The following ADRA1B variants were observed in gnomAD, a reference collection of about 807,000 sequenced individuals.
ADRA1B encodes adrenoceptor alpha 1B, also known as alpha-1B adrenergic receptor.
A neutral mutation model predicts 17.9 loss-of-function variants in ADRA1B; 17 were observed. The observed-to-expected ratio is 0.95, with a 90% CI of 0.65 to 1.42. The LOEUF is 1.42. Among genes scored for constraint, ADRA1B ranks in the 40% most tolerant of loss-of-function variants. The pLI is 0.00. For missense variants in ADRA1B, 681 were observed against 722.1 expected (o/e 0.94, Z 0.65); for synonymous variants, 366 against 327.6 (o/e 1.12, Z -1.27).
At chr5:159,904,766 T>C (rs1208202209) in intron 1 of ADRA1B, among the ~76,000 whole-genome samples, 2 of 152,248 alleles carry the variant, frequency 1.3e-5, no homozygotes, top group Non-Finnish European at 1.5e-5. Flanking sequence ...CATTATTGAA[T>C]GTGAGTCCAT....
the ADRA1B span, among the ~76,000 whole-genome samples, chr5:159,980,320 G>A: frequency 1.3e-5 from 2 of 152,156 alleles, no homozygotes; most frequent in Non-Finnish European, 2.9e-5. Flanking sequence ...GAAAGAGGAG[G>A]AAAATGACAC....
chr5:159,940,049 G>GT (rs1189402764), intron 1 of ADRA1B, among the ~76,000 whole-genome samples: 1 of 152,202 alleles, frequency 6.6e-6, no homozygotes, highest in Non-Finnish European at 1.5e-5. Context: ...GGACAACTCA[G>GT]TAAGTGAATG....
chr5:159,970,023 T>C (rs1277193537), intron 1 of ADRA1B, among the ~76,000 whole-genome samples: 1 of 152,218 alleles, frequency 6.6e-6, no homozygotes, highest in Non-Finnish European at 1.5e-5. Flanking sequence ...GGCAAGTCAT[T>C]TAACCTCTCC....
At chr5:159,869,614 A>T (rs1178920913) in intron 1 of ADRA1B, 1 of 152,264 alleles carries the variant, frequency 6.6e-6, no homozygotes, top group East Asian at 1.9e-4. Context: ...GAAGATACAC[A>T]GTAATATTGA....
chr5:159,924,106 T>C (rs1454918385), intron 1 of ADRA1B, among the ~76,000 whole-genome samples: 2 of 152,274 alleles, frequency 1.3e-5, no homozygotes, highest in African/African-American at 4.8e-5. Context: ...CACCCAGAGA[T>C]TTTACTGGCT....
At chr5:159,945,050 T>A (rs1291880134) in intron 1 of ADRA1B, among the ~76,000 whole-genome samples, 2 of 152,098 alleles carry the variant, frequency 1.3e-5, no homozygotes, top group Admixed American at 1.3e-4. Context: ...AAGCTCAACC[T>A]GAGGAAGCTG....
the ADRA1B span, among the ~76,000 whole-genome samples, chr5:159,987,080 C>A: frequency 1.3e-5 from 2 of 152,198 alleles, no homozygotes. Flanking sequence ...CACACCCTGC[C>A]CCCAGCGGCG....
Position 159,917,141 on chromosome 5 carries a change from C to T in ADRA1B, c.236C>T (p.Pro79Leu), listed in dbSNP as rs1170031380. 11 of 1,614,132 alleles carry T rather than the reference C, an allele frequency of 6.8e-6. No homozygotes were observed. Among genetic ancestry groups the T allele is most frequent in the Non-Finnish European group, 9.3e-6 (11 of 1,180,016 alleles). ...GCCTGCAACCGGCACCTGCGGACGC[C>T]CACCAACTACTTCATTGTCAACCTG... ...SVACNRHLRT[P>L]TNYFIVNLAM... is the part of the protein sequence containing the mutation. Residue 79 changes from proline (P) to leucine (L), a missense_variant, in exon 1 of 2, where the codon CCC becomes CTC. Transcript: ENST00000306675.
chr5:159,917,389 G>A lies in ADRA1B; in HGVS notation c.484G>A (p.Ala162Thr), dbSNP rs769304163. The A allele has an allele frequency of 1.2e-6, 2 of 1,614,120 alleles. No individual in the cohort carries two copies. The highest frequency in any genetic ancestry group is 8.5e-7 in the Non-Finnish European group (1 of 1,180,028). Residue 162 changes from alanine (A) to threonine (T), a missense_variant, in exon 1 of 2, where the codon GCC becomes ACC. Ala to Thr is a moderately conservative substitution (Grantham distance 58, BLOSUM62 0). Around this residue, in one of 3 missense-constraint regions of ADRA1B, gnomAD observed 424 missense variants for 480.2 expected, o/e 0.88. Coordinates refer to ENST00000306675, the MANE Select transcript of ADRA1B (RefSeq NM_000679.4). ...TCCCACGCTGGTCACCCGGAGGAAG[G>A]CCATCTTGGCGCTGCTCAGTGTCTG... ...QYPTLVTRRKAILALLSVWVL... is the reference protein window; with the variant it reads ...QYPTLVTRRKTILALLSVWVL...
chr5:159,904,294 G>A lies in ADRA1B; in HGVS notation c.-255-11825G>A, dbSNP rs1754135219. On this transcript the variant is annotated intron_variant, in intron 1 of 2. Coordinates refer to the ADRA1B transcript ENST00000641205. ...TCAGTTTCCCCACCTGGGAAATGAG[G>A]AAAGGGCTACACAACTTCTACAGTC... Among the ~76,000 whole-genome samples the A allele has an allele frequency of 2.6e-5, 4 of 152,198 alleles. No homozygotes were observed. The South Asian group carries it at 8.3e-4, about 32-fold the overall frequency.
rs557123895 is a variant in ADRA1B, at chr5:159,875,448, G to A, written c.-256+10242G>A. 1.5e-4 allele frequency among the ~76,000 whole-genome samples: 23 copies of A among 152,180 alleles called. No homozygotes were observed. The Middle Eastern group carries it at 0.01, about 68-fold the overall frequency. On this transcript the variant is annotated intron_variant, in intron 1 of 2. Transcript: ENST00000641205. ...AATGAAACTCTGGAGTTAAACCCAA[G>A]TCACAAATATATGACCCTGAGACCA...
In ADRA1B at chr5:159,971,397, T is replaced by C. The variant is rs530273424; in HGVS notation, c.950-482T>C. On this transcript the variant is annotated intron_variant, in intron 1 of 1. Transcript: ENST00000306675. Reference sequence around the variant, plus strand: ...AATAGTCTTTTATGTTGTTCTCTTTTACCTTTAAAACGTTACCTTTCACAT... The same window carrying C: ...AATAGTCTTTTATGTTGTTCTCTTTCACCTTTAAAACGTTACCTTTCACAT... 2.6e-5 allele frequency among the ~76,000 whole-genome samples: 4 copies of C among 152,350 alleles called. No individual in the cohort carries two copies. In the South Asian group the frequency reaches 6.2e-4, roughly 24 times the overall value.
chr5:159,873,974 G>A lies in ADRA1B; in HGVS notation c.-256+8768G>A, dbSNP rs184099489. On this transcript the variant is annotated intron_variant, in intron 1 of 2. Coordinates refer to the ADRA1B transcript ENST00000641205. ...TAACCCCACCTCTTTGTTTTTTTAT[G>A]CAGAGGGCAGAAAATGTCTTCTGGA... is the stretch of plus-strand genomic sequence containing the variant. Among the ~76,000 whole-genome samples the A allele has an allele frequency of 7.9e-4, 120 of 152,162 alleles. 1 individual carries two copies. Among genetic ancestry groups the A allele is most frequent in the African/African-American group, 2.8e-3 (115 of 41,522 alleles).
At chr5:159,927,381 GCACACACACACA>G (rs59807316) in intron 1 of ADRA1B, among the ~76,000 whole-genome samples, 12 of 140,636 alleles carry the variant, frequency 8.5e-5, no homozygotes, top group African/African-American at 2.4e-4. Flanking sequence ...ATTAAAACAT[GCACACACACACA>G]CACACACACA....
chr5:159,976,583 C>T (rs1755977261), downstream of ADRA1B, among the ~76,000 whole-genome samples: 1 of 150,984 alleles, frequency 6.6e-6, no homozygotes, highest in African/African-American at 2.4e-5. Context: ...AGGTAATCGC[C>T]TGAACCTGGG....
chr5:159,942,155 C>T (rs1401271518), intron 1 of ADRA1B, among the ~76,000 whole-genome samples: 1 of 152,018 alleles, frequency 6.6e-6, no homozygotes, highest in Non-Finnish European at 1.5e-5. Context: ...ATCTCCTGAC[C>T]TCGTGATCCG....
At chr5:159,978,187 C>T in the ADRA1B span, among the ~76,000 whole-genome samples, 3 of 152,138 alleles carry the variant, frequency 2.0e-5, no homozygotes, top group Non-Finnish European at 4.4e-5. Flanking sequence ...CTGTTTTGCT[C>T]ACTGTTGTGT....
chr5:159,960,566 A>G (rs1755648453), intron 1 of ADRA1B, among the ~76,000 whole-genome samples: 1 of 152,196 alleles, frequency 6.6e-6, no homozygotes, highest in South Asian at 2.1e-4. Flanking sequence ...TGAACTGAAC[A>G]TGGGGACACC....
At position 159,900,478 on chromosome 5, in the gene ADRA1B, T is replaced by TA. The variant is rs141618558; in HGVS notation, c.-255-15640dup. Among the ~76,000 whole-genome samples, 1,184 of 152,322 alleles carry TA rather than the reference T, an allele frequency of 7.8e-3. 11 individuals are homozygous for TA. Among genetic ancestry groups the TA allele is most frequent in the African/African-American group, 0.027 (1,127 of 41,564 alleles). ...TCCTGGGCATTGCATATTTGGTTGTTATGGTGAGTAGAATCTGTTTTCTTT... is the reference window on the plus strand; with the variant it reads ...TCCTGGGCATTGCATATTTGGTTGTTAATGGTGAGTAGAATCTGTTTTCTTT... On this transcript the variant is annotated intron_variant, in intron 1 of 2. Transcript: ENST00000641205.
Sources: allele counts gnomAD v4.1 joint callset (sites outside exome capture counted in the v4.1 genomes callset), GRCh38; gene constraint gnomAD v4.1.1; regional missense constraint gnomAD v4.1.1; transcripts MANE v1.5; gene names NCBI Gene and HGNC (gene_info 2026-07-23, HGNC 2026-07-21).